ARHGAP36: variants seen among roughly 807,000 people sequenced by gnomAD.
ARHGAP36 encodes Rho GTPase activating protein 36.
A neutral mutation model predicts 32.9 loss-of-function variants in ARHGAP36; 7 were observed. That is an observed-to-expected ratio of 0.21 (90% confidence interval 0.12 to 0.40). ARHGAP36 has a LOEUF of 0.40. Ranked by LOEUF, ARHGAP36 falls within the 10% of genes least tolerant of loss-of-function variation. The pLI, the probability that ARHGAP36 is intolerant of heterozygous loss-of-function variation, is 1.00. For missense variants in ARHGAP36, 383 were observed against 442.2 expected (o/e 0.87, Z 1.20); for synonymous variants, 165 against 168.3 (o/e 0.98, Z 0.15).
chrX:131,075,623 A>ATGCGTG (rs1556039886), intron 1 of ARHGAP36, among the ~76,000 whole-genome samples: 9 of 98,143 alleles, frequency 9.2e-5, no homozygotes, highest in South Asian at 5.1e-4. Context: ...GTGTATATAT[A>ATGCGTG]TGTGTGTGTG....
At chrX:131,084,589 T>A in intron 5 of ARHGAP36, 37 bp from the exon 6 acceptor site, 1 of 1,205,375 alleles carries the variant, frequency 8.3e-7, no homozygotes, top group South Asian at 1.8e-5. Flanking sequence ...GGAAAGGGAT[T>A]CAGAGATGCT....
At chrX:131,086,746 G>A (rs1267646140) in intron 11 of ARHGAP36, 81 bp downstream of exon 11, 16 of 865,216 alleles carry the variant, frequency 1.8e-5, no homozygotes, top group Admixed American at 1.1e-4. Context: ...AGGCCAGGTC[G>A]TTGCTGAAGA....
Position 131,084,195 on chromosome X carries a change from T to C in ARHGAP36, c.556-20T>C. ...ACTCTCTTTATTTCCCATTTTAAGA[T>C]AATCTGGATTTCTCCACAGGGTGCA... On this transcript the variant is annotated intron_variant, in intron 4 of 11. Transcript: ENST00000276211. 8.5e-7 allele frequency: 1 copy of C among 1,180,574 alleles called. No individual in the cohort carries two copies. Among genetic ancestry groups the C allele is most frequent in the Non-Finnish European group, 1.1e-6 (1 of 881,654 alleles).
rs751142527 is a variant in ARHGAP36, at chrX:131,089,121, C to T, written c.*336C>T. ...TGTGACATTTGTGGTAAACACCTTT[C>T]CCAGGGAACCTCACAAATCTTGAGA... is the stretch of plus-strand genomic sequence containing the variant. On this transcript the variant is annotated 3_prime_UTR_variant, in exon 12 of 12. Transcript: ENST00000276211. 14 of 165,688 alleles carry T rather than the reference C, an allele frequency of 8.4e-5. No homozygotes were observed. In the East Asian group the frequency reaches 1.9e-3, roughly 22 times the overall value. The allele number at this position is 165,688 out of a possible 1,213,427, so 13.7% of individuals were successfully genotyped here.
intron 7 of ARHGAP36, 93 bp from the exon 8 acceptor site, chrX:131,085,495 G>T: frequency 9.5e-7 from 1 of 1,055,693 alleles, no homozygotes; most frequent in Non-Finnish European, 1.3e-6. Context: ...CTCCATAACT[G>T]CCAGCAAGTT....
chrX:131,071,109 C>T (rs1356550695), intron 1 of ARHGAP36, among the ~76,000 whole-genome samples: 1 of 110,347 alleles, frequency 9.1e-6, no homozygotes, highest in African/African-American at 3.3e-5. Flanking sequence ...GGAAGGGGAG[C>T]AGAGCTTCCA....
chrX:131,059,680 A>G (rs1185804500), intron 1 of ARHGAP36, among the ~76,000 whole-genome samples: 1 of 112,416 alleles, frequency 8.9e-6, no homozygotes, highest in African/African-American at 3.2e-5. Context: ...AAGGAAAAAG[A>G]TCTGCATACA....
At position 131,084,050 on chromosome X, in the gene ARHGAP36, G is replaced by A. The variant is rs1036577550; in HGVS notation, c.555+81G>A. On this transcript the variant is annotated intron_variant, in intron 4 of 11. Transcript: ENST00000276211. ...GTGAGGCCGGAGGATCAAGGCCTGT[G>A]CCCTCAGAGGCAGGGGGGAGCTGAA... The A allele has an allele frequency of 3.7e-6, 4 of 1,093,277 alleles. No individual in the cohort carries two copies. The African/African-American group carries it at 7.3e-5, about 20-fold the overall frequency. 90.1% of individuals were successfully genotyped at this position (1,093,277 alleles called of 1,213,427 possible).
chrX:131,070,933 C>T (rs1453673457), intron 1 of ARHGAP36, among the ~76,000 whole-genome samples: 3 of 109,465 alleles, frequency 2.7e-5, no homozygotes, highest in East Asian at 2.9e-4. Context: ...TTTTCCTCTC[C>T]GGCGACACCC....
chrX:131,083,446 C>T (rs1280158674), intron 3 of ARHGAP36, among the ~76,000 whole-genome samples: 1 of 112,244 alleles, frequency 8.9e-6, no homozygotes, highest in Non-Finnish European at 1.9e-5. Context: ...TCACCCCACA[C>T]AGATCAACCC....
At position 131,086,160 on chromosome X, in the gene ARHGAP36, C is replaced by A. The variant is rs939931422; in HGVS notation, c.1281+71C>A. On this transcript the variant is annotated intron_variant, in intron 9 of 11. Coordinates refer to ENST00000276211, the MANE Select transcript of ARHGAP36 (RefSeq NM_144967.4). ...GTTCACAAGGCAAGGCACAGTTGTACCTGCATCTTTGAGGGTAGCCAAAAC... is the reference window on the plus strand; with the variant it reads ...GTTCACAAGGCAAGGCACAGTTGTAACTGCATCTTTGAGGGTAGCCAAAAC... 4.6e-5 allele frequency: 53 copies of A among 1,158,321 alleles called. No homozygotes were observed. The African/African-American group carries it at 9.3e-4, about 20-fold the overall frequency.
intron 1 of ARHGAP36, among the ~76,000 whole-genome samples, chrX:131,061,129 A>ATT (rs68035708): frequency 1.9e-5 from 2 of 107,559 alleles, no homozygotes; most frequent in African/African-American, 3.4e-5. Flanking sequence ...TGTGACAGCA[A>ATT]TTTTTTTTTT....
rs185166986 is a variant in ARHGAP36, at chrX:131,086,627, G to A, written c.1448G>A (p.Arg483Gln). ...SDPVETSAEA[R>Q]AAVLAQSKPS... ...CCAGTGGAAACCTCTGCTGAAGCCC[G>A]GGCTGCTGTCCTTGCTCAAAGCAAG... Residue 483 changes from arginine to glutamine, a missense_variant, in exon 11 of 12, where the codon CGG becomes CAG. By Grantham distance (43) the Arg-to-Gln change is conservative. Coordinates refer to ENST00000276211, the MANE Select transcript of ARHGAP36 (RefSeq NM_144967.4). 3.1e-5 allele frequency: 37 copies of A among 1,210,197 alleles called. No individual in the cohort carries two copies. Among genetic ancestry groups the A allele is most frequent in the East Asian group, 2.7e-4 (9 of 33,756 alleles).
At position 131,089,118 on chromosome X, in the gene ARHGAP36, T is replaced by C. The variant is rs988552838; in HGVS notation, c.*333T>C. On this transcript the variant is annotated 3_prime_UTR_variant, in exon 12 of 12. Coordinates refer to ENST00000276211, the MANE Select transcript of ARHGAP36 (RefSeq NM_144967.4). ...TGATGTGACATTTGTGGTAAACACC[T>C]TTCCCAGGGAACCTCACAAATCTTG... 4 of 170,684 alleles carry C rather than the reference T, an allele frequency of 2.3e-5. No individual in the cohort carries two copies. The highest frequency in any genetic ancestry group is 4.3e-5 in the Non-Finnish European group (4 of 92,277). 14.1% of individuals were successfully genotyped at this position (170,684 alleles called of 1,213,427 possible).
intron 1 of ARHGAP36, among the ~76,000 whole-genome samples, chrX:131,059,412 T>G (rs1458048996): frequency 9.2e-6 from 1 of 108,768 alleles, no homozygotes; most frequent in Non-Finnish European, 1.9e-5. Flanking sequence ...TCTATATTGG[T>G]GAGAGTGCGT....
At position 131,088,720 on chromosome X, in the gene ARHGAP36, C is replaced by A. The variant is rs778733968; in HGVS notation, c.1579C>A (p.Arg527Ser). The A allele has an allele frequency of 2.3e-5, 28 of 1,210,067 alleles. No individual in the cohort carries two copies. The highest frequency in any genetic ancestry group is 3.0e-5 in the Non-Finnish European group (27 of 895,138). Residue 527 changes from arginine (R) to serine (S), a missense_variant, in exon 12 of 12, where the codon CGC (arginine) becomes AGC (serine). Physicochemically the swap from Arg to Ser is moderately radical, Grantham distance 110. Transcript: ENST00000276211. Reference sequence around the variant, plus strand: ...TAACCCTCCCATTCCGGAGCAAGACCGCCCATTGCTCCGTGTGCCCCGGGA... The same window carrying A: ...TAACCCTCCCATTCCGGAGCAAGACAGCCCATTGCTCCGTGTGCCCCGGGA... ...AGNPPIPEQD[R>S]PLLRVPREKE...
rs182825873 is a variant in ARHGAP36, at chrX:131,058,818, C to T, written c.-143+374C>T. Among the ~76,000 whole-genome samples, 765 of 113,375 alleles carry T rather than the reference C, an allele frequency of 6.7e-3. 2 individuals are homozygous for T. Among genetic ancestry groups the T allele is most frequent in the Non-Finnish European group, 0.011 (599 of 53,356 alleles). On this transcript the variant is annotated intron_variant, in intron 1 of 11. Transcript: ENST00000276211. ...ATGTCCCTGACAGGGCAAGCCAGGC[C>T]CCAGGGACCCTGAAGGAGGCGGGTA...
rs762501727 is a variant in ARHGAP36 at position 131,086,076 on chromosome X, A to T, written c.1268A>T (p.Asp423Val). ...NVVRAMIDNW[D>V]VLFQVPPHIQ... ...GTCCGTGCCATGATTGATAACTGGG[A>T]TGTCCTCTTCCAGGTAGGTGCAAGT... The change falls in exon 9 of 12, where the codon GAT becomes GTT. Residue 423 changes from aspartate (D) to valine (V), a missense_variant. Transcript: ENST00000276211. 2 of 1,211,019 alleles carry T rather than the reference A, an allele frequency of 1.7e-6. No individual in the cohort carries two copies. Among genetic ancestry groups the T allele is most frequent in the Non-Finnish European group, 2.2e-6 (2 of 895,263 alleles).
At chrX:131,084,846 T>C in intron 6 of ARHGAP36, 68 bp from the exon 7 acceptor site, 2 of 1,190,617 alleles carry the variant, frequency 1.7e-6, no homozygotes, top group Non-Finnish European at 2.3e-6. Flanking sequence ...CTGGAACCTG[T>C]TGAAGGAATG....
Sources: gnomAD v4.1 joint callset for allele counts (sites outside exome capture counted in the v4.1 genomes callset) on GRCh38, gnomAD v4.1.1 for gene constraint, MANE v1.5 for transcripts, NCBI Gene and HGNC (gene_info 2026-07-23, HGNC 2026-07-21) for gene names.